SCD5: variants seen among roughly 807,000 people sequenced by gnomAD.
SCD5 encodes stearoyl-CoA desaturase 5, also known as acyl-CoA-desaturase 4.
A neutral mutation model predicts 30.4 loss-of-function variants in SCD5; 20 were observed. That is an observed-to-expected ratio of 0.66 (90% CI 0.46 to 0.96). SCD5 has a LOEUF of 0.96. SCD5 is among the 40% of genes least tolerant of loss of function. The pLI, the probability that SCD5 is intolerant of heterozygous loss-of-function variation, is 0.00. For missense variants in SCD5, 381 were observed against 443.3 expected (o/e 0.86, Z 1.26); for synonymous variants, 173 against 176.4 (o/e 0.98, Z 0.16).
At chr4:82,683,033 C>T (rs892974852) in intron 2 of SCD5, among the ~76,000 whole-genome samples, 3 of 151,870 alleles carry the variant, frequency 2.0e-5, no homozygotes, top group African/African-American at 7.3e-5. Flanking sequence ...CCAGGCTGGT[C>T]GAAAATTTTA....
intron 1 of SCD5, among the ~76,000 whole-genome samples, chr4:82,771,477 G>A (rs1005877360): frequency 4.6e-5 from 7 of 152,304 alleles, no homozygotes; most frequent in Non-Finnish European, 7.4e-5. Context: ...GGTGTAGGAC[G>A]CTATGCCTAT....
chr4:82,683,715 G>A (rs1185509860), intron 2 of SCD5, among the ~76,000 whole-genome samples: 2 of 152,154 alleles, frequency 1.3e-5, no homozygotes, highest in East Asian at 1.9e-4. Flanking sequence ...TGGATCATAG[G>A]GTCAGTTTCC....
intron 3 of SCD5, among the ~76,000 whole-genome samples, chr4:82,679,230 A>AAGAAAGAAAGAGAGAGAGAG (rs1560531619): frequency 2.9e-5 from 1 of 33,994 alleles, no homozygotes; most frequent in Non-Finnish European, 6.6e-5. Flanking sequence ...AAAAGAAAGA[A>AAGAAAGAAAGAGAGAGAGAG]AGAAAGAAAG....
At chr4:82,784,662 G>A (rs1185186660) in intron 1 of SCD5, among the ~76,000 whole-genome samples, 1 of 152,130 alleles carries the variant, frequency 6.6e-6, no homozygotes. Flanking sequence ...CATGGTTTCG[G>A]GACATAACTT....
intron 3 of SCD5, chr4:82,660,830 A>G (rs776338164): frequency 2.5e-6 from 4 of 1,613,136 alleles, no homozygotes; most frequent in South Asian, 2.2e-5. Flanking sequence ...CTGTTATTCT[A>G]TACGTTATCA....
chr4:82,646,241 C>T (rs912043482), intron 3 of SCD5, among the ~76,000 whole-genome samples: 6 of 152,162 alleles, frequency 3.9e-5, no homozygotes, highest in Admixed American at 3.9e-4. Context: ...AATTTTTGCA[C>T]CTTGCAGGGG....
chr4:82,787,391 C>T (rs896620843), intron 1 of SCD5, among the ~76,000 whole-genome samples: 1 of 152,020 alleles, frequency 6.6e-6, no homozygotes, highest in African/African-American at 2.4e-5. Flanking sequence ...AGTAACCTAC[C>T]GCTCTACTGG....
chr4:82,755,667 C>T (rs1403150961), intron 1 of SCD5, among the ~76,000 whole-genome samples: 1 of 152,146 alleles, frequency 6.6e-6, no homozygotes, highest in African/African-American at 2.4e-5. Context: ...GGCTTAACAC[C>T]ATCAGATAAT....
At chr4:82,798,179 C>A in intron 1 of SCD5, 127 bp downstream of exon 1, 1 of 1,036,222 alleles carries the variant, frequency 9.7e-7, no homozygotes, top group South Asian at 4.6e-5. Context: ...CGGCGCGCAG[C>A]GGGAGGCGAG....
At chr4:82,713,802 C>T (rs769968323) in intron 1 of SCD5, among the ~76,000 whole-genome samples, 9 of 152,198 alleles carry the variant, frequency 5.9e-5, no homozygotes, top group Non-Finnish European at 1.2e-4. Context: ...GATCCATATG[C>T]GGTCCCTCTC....
rs528392903 is a variant in SCD5 at position 82,730,730 on chromosome 4, C to T, written c.233-25317G>A. Among the ~76,000 whole-genome samples, 23 of 151,810 alleles carry T rather than the reference C, an allele frequency of 1.5e-4. No homozygotes were observed. The South Asian group carries it at 4.2e-3, about 28-fold the overall frequency. On this transcript the variant is annotated intron_variant, in intron 1 of 4. Transcript: ENST00000319540. ...CCTCCCGAGTAGCTGGGACTACAGG[C>T]ACCCACCACCACGCCCGGCTAATTT... is the stretch of plus-strand genomic sequence containing the variant.
intron 4 of SCD5, among the ~76,000 whole-genome samples, chr4:82,634,081 A>C (rs750284961): frequency 5.0e-4 from 76 of 152,324 alleles, no homozygotes; most frequent in Non-Finnish European, 1.0e-3. Context: ...CAAGTATCAG[A>C]TCTTCATTCT....
chr4:82,676,944 A>G (rs983529126), intron 3 of SCD5, among the ~76,000 whole-genome samples: 1 of 152,238 alleles, frequency 6.6e-6, no homozygotes, highest in African/African-American at 2.4e-5. Flanking sequence ...GTCTGGAAGT[A>G]TAGCTTGAAA....
chr4:82,700,511 A>G (rs892985699), intron 2 of SCD5, among the ~76,000 whole-genome samples: 3 of 152,224 alleles, frequency 2.0e-5, no homozygotes, highest in Non-Finnish European at 2.9e-5. Context: ...GTTTCTCTTC[A>G]GAAACCAGCA....
intron 3 of SCD5, among the ~76,000 whole-genome samples, chr4:82,668,045 C>G (rs1381934080): frequency 1.3e-5 from 2 of 152,112 alleles, no homozygotes; most frequent in African/African-American, 4.8e-5. Flanking sequence ...CACTTCCCCA[C>G]CAAAAACAAC....
At chr4:82,775,786 G>C (rs1010009060) in intron 1 of SCD5, 10 of 152,346 alleles carry the variant, frequency 6.6e-5, no homozygotes, top group Non-Finnish European at 1.0e-4. Flanking sequence ...GAGCCTGGGA[G>C]GTTGAGGCTG....
intron 1 of SCD5, 83 bp from the exon 2 acceptor site, chr4:82,705,496 G>C: frequency 6.5e-7 from 1 of 1,548,142 alleles, no homozygotes. Flanking sequence ...CCTGAACAGG[G>C]ACACACGTGA....
intron 1 of SCD5, among the ~76,000 whole-genome samples, chr4:82,737,423 A>G (rs1720775371): frequency 6.6e-6 from 1 of 152,132 alleles, no homozygotes; most frequent in Admixed American, 6.5e-5. Flanking sequence ...TCTATTTATC[A>G]CAATTTTCCC....
intron 2 of SCD5, among the ~76,000 whole-genome samples, chr4:82,695,538 C>T (rs760023352): frequency 2.6e-5 from 4 of 152,080 alleles, no homozygotes; most frequent in Admixed American, 6.5e-5. Context: ...GGTGGGAAAG[C>T]TAGGAGAAGA....
Sources: allele counts gnomAD v4.1 joint callset (sites outside exome capture counted in the v4.1 genomes callset), GRCh38; gene constraint gnomAD v4.1.1; transcripts MANE v1.5; gene names NCBI Gene and HGNC (gene_info 2026-07-23, HGNC 2026-07-21).